The following CHMP6 variants were observed in gnomAD, a reference collection of about 807,000 sequenced individuals.
CHMP6 encodes the protein charged multivesicular body protein 6.
In CHMP6, 10 loss-of-function variants were observed where a neutral mutation model predicts 32.8. The ratio of observed to expected loss-of-function variants is 0.30; its 90% CI spans 0.19 to 0.52. The LOEUF (loss-of-function observed/expected upper bound fraction) is 0.52, where lower values mean the gene tolerates loss of function less well. Among genes scored for constraint, CHMP6 ranks in the 20% least tolerant of loss-of-function variants. CHMP6 has a pLI of 0.97. For synonymous variants in CHMP6, 123 were observed against 105.8 expected, an observed-to-expected ratio of 1.16 and a Z score of -1.00; for missense variants, 269 against 263.8, an observed-to-expected ratio of 1.02 and a Z score of -0.14.
At position 80,995,718 on chromosome 17, in the gene CHMP6, G is replaced by A; in HGVS notation, c.308G>A (p.Gly103Glu). The A allele has an allele frequency of 2.5e-6, 4 of 1,614,112 alleles. No homozygotes were observed. The highest frequency in any genetic ancestry group is 3.4e-6 in the Non-Finnish European group (4 of 1,179,984). ...CAGATCGAAATGAAAGTGATGGAGG[G>A]GCTGCAGTTTGGAAATGAGTGTCTG... The part of the protein sequence containing the change: ...FTQIEMKVME[G>E]LQFGNECLNK... Residue 103 changes from glycine (G) to glutamate (E), a missense_variant, in exon 4 of 8, where the codon GGG (glycine) becomes GAG (glutamate). Coordinates refer to ENST00000325167, the MANE Select transcript of CHMP6 (RefSeq NM_024591.5).
At chr17:80,997,456 A>G in intron 6 of CHMP6, 115 bp downstream of exon 6, 3 of 613,414 alleles carry the variant, frequency 4.9e-6, no homozygotes, top group Non-Finnish European at 5.1e-6. Flanking sequence ...TTAAGTAAAT[A>G]GTCTGCGGTT....
Position 80,995,079 on chromosome 17 carries a change from G to C in CHMP6, c.234G>C (p.Glu78Asp). 6.2e-7 allele frequency: 1 copy of C among 1,602,868 alleles called. No individual in the cohort carries two copies. The highest frequency in any genetic ancestry group is 8.5e-7 in the Non-Finnish European group (1 of 1,176,378). Residue 78 changes from glutamate to aspartate, a missense_variant, in exon 3 of 8, where the codon GAG (glutamate) becomes GAC (aspartate). Physicochemically the swap from Glu to Asp is conservative, Grantham distance 45 (BLOSUM62 2). Coordinates refer to ENST00000325167, the MANE Select transcript of CHMP6 (RefSeq NM_024591.5). Reference sequence around the variant, plus strand: ...AGGAGCAGCTCCTGGACAGGACGGAGAACCAGATCAGCAGCCTGGAGGCCA... The same window carrying C: ...AGGAGCAGCTCCTGGACAGGACGGACAACCAGATCAGCAGCCTGGAGGCCA... The part of the protein sequence containing the change: ...RYQEQLLDRT[E>D]NQISSLEAMV...
intron 1 of CHMP6, among the ~76,000 whole-genome samples, chr17:80,992,535 C>G (rs1396916199): frequency 6.6e-6 from 1 of 152,242 alleles, no homozygotes; most frequent in Non-Finnish European, 1.5e-5. Context: ...CTGCCCTGGT[C>G]CGAGGAGCGG....
rs946465027 is a variant in CHMP6 at position 80,999,260 on chromosome 17, A to G, written c.*107A>G. On this transcript the variant is annotated 3_prime_UTR_variant, in exon 8 of 8. Coordinates refer to ENST00000325167, the MANE Select transcript of CHMP6 (RefSeq NM_024591.5). ...CCGGGTTCCCTGGAGCCCAGTGCGC[A>G]CGGTGCTGAGCAGAGCTGCAGCCAC... The G allele has an allele frequency of 3.0e-6, 4 of 1,316,710 alleles. No homozygotes were observed. In the Admixed American group the frequency reaches 6.9e-5, roughly 23 times the overall value. 81.6% of individuals were successfully genotyped at this position (1,316,710 alleles called of 1,614,324 possible).
At chr17:80,994,728 TG>T (rs997284339) in intron 2 of CHMP6, 38 bp downstream of exon 2, 1 of 1,306,274 alleles carries the variant, frequency 7.7e-7, no homozygotes, top group Non-Finnish European at 1.0e-6. Context: ...CCCTGTCGGC[TG>T]GGGTGGGGGG....
intron 7 of CHMP6, chr17:80,998,782 G>A (rs2069661187): frequency 1.0e-6 from 1 of 962,508 alleles, no homozygotes; most frequent in Non-Finnish European, 1.4e-6. Flanking sequence ...TCTCCAACCT[G>A]CCCACTGGGA....
rs753912872 is a variant in CHMP6, at chr17:80,994,644, C to T, written c.127C>T (p.Arg43Cys). The T allele has an allele frequency of 6.9e-6, 11 of 1,584,794 alleles. No homozygotes were observed. In the South Asian group the frequency reaches 9.2e-5, roughly 13 times the overall value. The change falls in exon 2 of 8, where the codon CGC becomes TGC. Residue 43 changes from arginine (R) to cysteine (C), a missense_variant. Arg to Cys is a radical substitution (Grantham distance 180). Transcript: ENST00000325167. ...GAAGAGGATCGCCCAGCAGCTGGAG[C>T]GCGAGCGCGCCCTGGCCCGGCAGCT... ...YQKRIAQQLE[R>C]ERALARQLLR...
intron 3 of CHMP6, among the ~76,000 whole-genome samples, chr17:80,995,415 C>T (rs1048331039): frequency 6.6e-6 from 1 of 152,224 alleles, no homozygotes; most frequent in East Asian, 1.9e-4. Flanking sequence ...GGGACCCGAG[C>T]GGCGTGGTTC....
Position 80,996,112 on chromosome 17 carries a change from G to A in CHMP6, c.348+354G>A, listed in dbSNP as rs1386537322. Among the ~76,000 whole-genome samples the A allele has an allele frequency of 2.6e-5, 4 of 152,044 alleles. No individual in the cohort carries two copies. In the East Asian group the frequency reaches 7.7e-4, roughly 29 times the overall value. ...AGGCAGGCAGATCACCTGAGGTCAG[G>A]AGTTCGAGACCAGCCTGGCCAACAT... On this transcript the variant is annotated intron_variant, in intron 4 of 7. Transcript: ENST00000325167.
At chr17:80,994,456 A>G (rs1354279213) in intron 1 of CHMP6, 125 bp from the exon 2 acceptor site, 1 of 728,036 alleles carries the variant, frequency 1.4e-6, no homozygotes, top group Admixed American at 3.7e-5. Context: ...TGTCCCCTGG[A>G]AGGCAACCCT....
At chr17:80,998,588 G>A (rs1264482041) in intron 7 of CHMP6, 168 bp downstream of exon 7, 4 of 1,473,960 alleles carry the variant, frequency 2.7e-6, no homozygotes, top group Non-Finnish European at 2.7e-6. Context: ...GTTGGGCTTG[G>A]GTTTCCCAGG....
intron 6 of CHMP6, among the ~76,000 whole-genome samples, chr17:80,997,697 C>T (rs78595627): frequency 0.12 from 17,552 of 152,054 alleles, 1,088 homozygotes; most frequent in Admixed American, 0.12. Context: ...CGTCCTGGCC[C>T]CAGGCTCACA....
chr17:80,995,907 G>A, intron 4 of CHMP6, 149 bp downstream of exon 4: 1 of 664,690 alleles, frequency 1.5e-6, no homozygotes, highest in Non-Finnish European at 2.6e-6. Flanking sequence ...TGCCAGGCAG[G>A]CAGGGATGCA....
intron 7 of CHMP6, chr17:80,998,772 T>A: frequency 6.7e-6 from 7 of 1,044,600 alleles, no homozygotes; most frequent in Non-Finnish European, 9.1e-6. Flanking sequence ...CAGCACAGGC[T>A]CTCCAACCTG....
At chr17:80,993,792 G>T (rs1328261240) in intron 1 of CHMP6, among the ~76,000 whole-genome samples, 1 of 152,216 alleles carries the variant, frequency 6.6e-6, no homozygotes, top group Non-Finnish European at 1.5e-5. Flanking sequence ...CAAAGGGGCA[G>T]GGAAGCCACA....
chr17:80,993,531 C>T (rs1307010492), intron 1 of CHMP6, among the ~76,000 whole-genome samples: 1 of 152,256 alleles, frequency 6.6e-6, no homozygotes, highest in African/African-American at 2.4e-5. Flanking sequence ...ACTGGCTTCC[C>T]ATGCGGAGTC....
intron 7 of CHMP6, 47 bp from the exon 8 acceptor site, chr17:80,999,051 G>T: frequency 6.2e-7 from 1 of 1,610,622 alleles, no homozygotes; most frequent in East Asian, 2.2e-5. Context: ...GGAGGTCTCT[G>T]CCTGTGGGTC....
chr17:80,995,419 G>A (rs2069628741), intron 3 of CHMP6, among the ~76,000 whole-genome samples: 1 of 152,162 alleles, frequency 6.6e-6, no homozygotes. Context: ...CCCGAGCGGC[G>A]TGGTTCTGCT....
In CHMP6 at chr17:80,999,103, G is replaced by A. The variant is rs758387244; in HGVS notation, c.556G>A (p.Val186Ile). Residue 186 changes from valine (V) to isoleucine (I), a missense_variant, in exon 8 of 8, where the codon GTC becomes ATC. Transcript: ENST00000325167. ...CATCTCTGTTTCCTCCACAGAAAAC[G>A]TCCCTGTCAAGGCCAGGCCCAGGCA... ...EPLPEKIPEN[V>I]PVKARPRQAE... 23 of 1,613,800 alleles carry A rather than the reference G, an allele frequency of 1.4e-5. No homozygotes were observed. Among genetic ancestry groups the A allele is most frequent in the African/African-American group, 5.3e-5 (4 of 74,934 alleles).
Sources: gnomAD v4.1 joint callset for allele counts (sites outside exome capture counted in the v4.1 genomes callset) on GRCh38, gnomAD v4.1.1 for gene constraint, MANE v1.5 for transcripts, NCBI Gene and HGNC (gene_info 2026-07-23, HGNC 2026-07-21) for gene names.